ADGRB1: variants seen among roughly 807,000 people sequenced by gnomAD.
The protein encoded by ADGRB1 is adhesion G protein-coupled receptor B1.
A neutral mutation model predicts 175.7 loss-of-function variants in ADGRB1; 36 were observed. The ratio of observed to expected loss-of-function variants is 0.20; its 90% CI spans 0.16 to 0.27. The LOEUF (loss-of-function observed/expected upper bound fraction) is 0.27. Among genes scored for constraint, ADGRB1 ranks in the 10% least tolerant of loss-of-function variants. ADGRB1 has a pLI of 1.00. For synonymous variants in ADGRB1, 1,054 were observed against 979.4 expected, an observed-to-expected ratio of 1.08 and a Z score of -1.42; for missense variants, 1,731 against 2,255.3, an observed-to-expected ratio of 0.77 and a Z score of 4.71.
chr8:142,463,789 G>A (rs941150113), intron 1 of ADGRB1, among the ~76,000 whole-genome samples, 191 bp from the exon 2 acceptor site: 14 of 152,258 alleles, frequency 9.2e-5, no homozygotes, highest in Non-Finnish European at 1.5e-5. Context: ...TGGTCACATT[G>A]GTGAGTGGCA....
intron 1 of ADGRB1, among the ~76,000 whole-genome samples, chr8:142,461,477 C>T (rs1410714972): frequency 2.0e-5 from 3 of 152,194 alleles, no homozygotes; most frequent in Non-Finnish European, 4.4e-5. Flanking sequence ...TATGAGGCTG[C>T]GCTCCCCTTC....
Position 142,485,456 on chromosome 8 carries a change from C to T in ADGRB1, c.2308+692C>T, listed in dbSNP as rs1193340448. ...CTGTGATCCCTGCTACTAGGGAGGCCGAGGTGGGAGGATCGCTTGAGCCCA... is the reference window on the plus strand; with the variant it reads ...CTGTGATCCCTGCTACTAGGGAGGCTGAGGTGGGAGGATCGCTTGAGCCCA... On this transcript the variant is annotated intron_variant, in intron 13 of 30. Transcript: ENST00000517894. 2.6e-5 allele frequency among the ~76,000 whole-genome samples: 4 copies of T among 152,134 alleles called. No individual in the cohort carries two copies. The East Asian group carries it at 5.8e-4, about 22-fold the overall frequency.
At chr8:142,473,596 C>G (rs1218937530) in intron 2 of ADGRB1, among the ~76,000 whole-genome samples, 2 of 152,238 alleles carry the variant, frequency 1.3e-5, no homozygotes, top group South Asian at 4.1e-4. Flanking sequence ...TGCTGAGTCC[C>G]CCACCTCTCC....
At chr8:142,453,714 C>T (rs376448377) in intron 1 of ADGRB1, among the ~76,000 whole-genome samples, 54 of 152,178 alleles carry the variant, frequency 3.5e-4, no homozygotes, top group African/African-American at 1.2e-3. Flanking sequence ...GTGCAATCCC[C>T]CACCCCAAGC....
In ADGRB1 at chr8:142,477,141, C is replaced by T. The variant is rs758145320; in HGVS notation, c.1085C>T (p.Pro362Leu). Residue 362 changes from proline (P) to leucine (L), a missense_variant, in exon 5 of 31, where the codon CCG (proline) becomes CTG (leucine). Transcript: ENST00000517894. ...GACCCAGCAGCCGAGGAGTGGTCCC[C>T]GTGGAGCGTGTGCTCCAGCACCTGC... ...TGDPAAEEWS[P>L]WSVCSSTCGE... The T allele has an allele frequency of 8.2e-6, 13 of 1,588,178 alleles. No homozygotes were observed. Among genetic ancestry groups the T allele is most frequent in the Admixed American group, 3.4e-5 (2 of 59,240 alleles).
At chr8:142,520,957 C>A in intron 20 of ADGRB1, 32 bp downstream of exon 20, 1 of 1,580,100 alleles carries the variant, frequency 6.3e-7, no homozygotes, top group South Asian at 1.1e-5. Flanking sequence ...CATGCACTTC[C>A]CAACATCCTC....
At chr8:142,466,007 G>A (rs1022006959) in intron 2 of ADGRB1, among the ~76,000 whole-genome samples, 8 of 152,226 alleles carry the variant, frequency 5.3e-5, no homozygotes, top group African/African-American at 1.9e-4. Context: ...CCTCAGTGCA[G>A]GAGATGGGTC....
chr8:142,513,977 C>G (rs1183369150), intron 18 of ADGRB1, among the ~76,000 whole-genome samples: 1 of 151,978 alleles, frequency 6.6e-6, no homozygotes, highest in African/African-American at 2.4e-5. Flanking sequence ...AAGAGGAGAG[C>G]AGTCAGGCCT....
intron 18 of ADGRB1, 86 bp from the exon 19 acceptor site, chr8:142,518,052 G>T: frequency 2.3e-6 from 3 of 1,309,342 alleles, no homozygotes; most frequent in East Asian, 2.3e-5. Flanking sequence ...ACCCGGGGCT[G>T]CGGGCTCTCG....
intron 24 of ADGRB1, among the ~76,000 whole-genome samples, chr8:142,532,548 TG>T (rs1437392505): frequency 6.6e-6 from 1 of 152,090 alleles, no homozygotes; most frequent in African/African-American, 2.4e-5. Context: ...TGGGCGGAGC[TG>T]GCCCACGAAG....
In ADGRB1 at chr8:142,455,411, G is replaced by A. The variant is rs557141942; in HGVS notation, c.-220+5307G>A. On this transcript the variant is annotated intron_variant, in intron 1 of 30. Transcript: ENST00000517894. This position sits in a 1 kb window ranked among gnomAD's most constrained non-coding sequence, Gnocchi z 4.9. ...TCTCGGGCATCCCTCTCTGGGGCTT[G>A]GTCAGGGGAAGGGCACGACAGAAGT... is the stretch of plus-strand genomic sequence containing the variant. Among the ~76,000 whole-genome samples the A allele has an allele frequency of 6.6e-6, 1 of 152,158 alleles. No individual in the cohort carries two copies. The highest frequency in any genetic ancestry group is 2.0e-4 in the East Asian group (1 of 5,114).
chr8:142,462,563 C>T lies in ADGRB1; in HGVS notation c.-219-1417C>T, dbSNP rs562443784. Among the ~76,000 whole-genome samples the T allele has an allele frequency of 2.0e-5, 3 of 152,364 alleles. No homozygotes were observed. In the South Asian group the frequency reaches 6.2e-4, roughly 32 times the overall value. On this transcript the variant is annotated intron_variant, in intron 1 of 30. Coordinates refer to ENST00000517894, the MANE Select transcript of ADGRB1 (RefSeq NM_001702.3). ...GCCTGGGCCCAGCTCCCTGCTCTGCCTACAAGGCTGTGCAGGAAGGACGCC... is the reference window on the plus strand; with the variant it reads ...GCCTGGGCCCAGCTCCCTGCTCTGCTTACAAGGCTGTGCAGGAAGGACGCC...
At chr8:142,459,027 C>T (rs972098777) in intron 1 of ADGRB1, among the ~76,000 whole-genome samples, 1 of 152,168 alleles carries the variant, frequency 6.6e-6, no homozygotes, top group African/African-American at 2.4e-5. Flanking sequence ...CACACTGGTC[C>T]CCCAGCAATG....
chr8:142,468,140 A>G (rs1446143536), intron 2 of ADGRB1, among the ~76,000 whole-genome samples: 2 of 152,096 alleles, frequency 1.3e-5, no homozygotes, highest in African/African-American at 2.4e-5. Flanking sequence ...GTTTGCATGC[A>G]TGGCATACAT....
chr8:142,496,768 A>G (rs1842235367), intron 17 of ADGRB1, among the ~76,000 whole-genome samples: 1 of 152,116 alleles, frequency 6.6e-6, no homozygotes, highest in South Asian at 2.1e-4. Flanking sequence ...AGCCCTTACC[A>G]TGCTACCCTA....
At chr8:142,469,644 T>C (rs1046195257) in intron 2 of ADGRB1, among the ~76,000 whole-genome samples, 1 of 150,636 alleles carries the variant, frequency 6.6e-6, no homozygotes, top group Non-Finnish European at 1.5e-5. Context: ...TATGTGCACG[T>C]GCGTGTGAAC....
intron 2 of ADGRB1, among the ~76,000 whole-genome samples, chr8:142,471,007 T>A (rs1329996862): frequency 6.6e-6 from 1 of 152,012 alleles, no homozygotes; most frequent in Non-Finnish European, 1.5e-5. Flanking sequence ...GGAGTCAGGA[T>A]TGGAGTGGAG....
At chr8:142,528,424 C>T (rs1844356234) in intron 24 of ADGRB1, among the ~76,000 whole-genome samples, 1 of 152,214 alleles carries the variant, frequency 6.6e-6, no homozygotes, top group Non-Finnish European at 1.5e-5. Flanking sequence ...CAGGACCGTC[C>T]CTGTTGGGGC....
intron 24 of ADGRB1, 38 bp from the exon 25 acceptor site, chr8:142,533,256 AG>A: frequency 6.8e-7 from 1 of 1,465,704 alleles, no homozygotes; most frequent in Admixed American, 2.2e-5. Context: ...CCCTGGGGGC[AG>A]GGGCGGGGGC....
Sources: gnomAD v4.1 joint callset for allele counts (sites outside exome capture counted in the v4.1 genomes callset) on GRCh38, gnomAD v4.1.1 for gene constraint, Gnocchi (gnomAD v3.1) non-coding constraint, MANE v1.5 for transcripts, NCBI Gene and HGNC (gene_info 2026-07-23, HGNC 2026-07-21) for gene names.